NEK8: variants seen among roughly 807,000 people sequenced by gnomAD.
NEK8 encodes the protein serine/threonine-protein kinase Nek8.
NEK8 carries 51 observed loss-of-function variants against 77.2 expected under a neutral mutation model. The observed-to-expected ratio is 0.66, with a 90% confidence interval of 0.53 to 0.83. NEK8 has a LOEUF of 0.83. Among genes scored for constraint, NEK8 ranks in the 40% least tolerant of loss-of-function variants. The pLI is 0.00. For missense variants in NEK8, 787 were observed against 909.2 expected, an observed-to-expected ratio of 0.87 and a Z score of 1.73; for synonymous variants, 365 against 363.2, an observed-to-expected ratio of 1.00 and a Z score of -0.06.
At chr17:28,739,336 C>G in intron 10 of NEK8, 135 bp downstream of exon 10, 1 of 770,200 alleles carries the variant, frequency 1.3e-6, no homozygotes, top group Non-Finnish European at 2.4e-6. Context: ...ATTCAACAAA[C>G]CTTTATTTTA....
At chr17:28,730,732 A>C (rs567163603) in intron 1 of NEK8, among the ~76,000 whole-genome samples, 1 of 152,000 alleles carries the variant, frequency 6.6e-6, no homozygotes, top group South Asian at 2.1e-4. Context: ...CCTGGGCAAC[A>C]CAATGAGTCC....
Position 28,740,525 on chromosome 17 carries a change from G to A in NEK8, c.1480G>A (p.Gly494Arg), listed in dbSNP as rs747957351. The change falls in exon 11 of 15, where the codon GGA (glycine) becomes AGA (arginine). Residue 494 changes from glycine to arginine, a missense_variant. Physicochemically the swap from Gly to Arg is moderately radical, Grantham distance 125. Coordinates refer to ENST00000268766, the MANE Select transcript of NEK8 (RefSeq NM_178170.3). The surrounding 1 kb of genome is among the most constrained non-coding windows in gnomAD (Gnocchi z 4.7). Reference protein sequence around the residue: ...SCPQQVPMPPGQEAQRVVCGI... With the variant: ...SCPQQVPMPPRQEAQRVVCGI... ...CCCCCAGCAGGTGCCCATGCCCCCA[G>A]GACAGGAAGCTCAGCGAGTTGTATG... 10 of 1,614,036 alleles carry A rather than the reference G, an allele frequency of 6.2e-6. No individual in the cohort carries two copies. The Admixed American group carries it at 1.3e-4, about 22-fold the overall frequency.
At position 28,741,698 on chromosome 17, in the gene NEK8, G is replaced by A. The variant is rs970314845; in HGVS notation, c.2050+127G>A. On this transcript the variant is annotated intron_variant, in intron 14 of 14. Transcript: ENST00000268766. This position sits in a 1 kb window ranked among gnomAD's most constrained non-coding sequence, Gnocchi z 4.5. ...TAGCCCCCAGATAAAAAAAGCAGAA[G>A]CTGCGGTTGAAAAGCTTCAAGCTTC... 7.9e-7 allele frequency: 1 copy of A among 1,269,564 alleles called. No homozygotes were observed. The highest frequency in any genetic ancestry group is 1.1e-6 in the Non-Finnish European group (1 of 876,906). 78.6% of individuals were successfully genotyped at this position (1,269,564 alleles called of 1,614,324 possible).
In NEK8 at chr17:28,741,276, C is replaced by T. The variant is rs1567762253; in HGVS notation, c.1891+40C>T. On this transcript the variant is annotated intron_variant, in intron 13 of 14. Transcript: ENST00000268766. The surrounding 1 kb of genome is among the most constrained non-coding windows in gnomAD (Gnocchi z 4.5). The stretch of plus-strand genomic sequence containing the variant: ...TGGTGGGGGCAGACAGTGCCATGAG[C>T]AGTGGGGGGTGGGGGTTGCTATTCA... The T allele has an allele frequency of 1.3e-6, 2 of 1,591,678 alleles. No individual in the cohort carries two copies. The highest frequency in any genetic ancestry group is 1.7e-6 in the Non-Finnish European group (2 of 1,167,336).
chr17:28,735,877 T>G (rs1210255674), intron 4 of NEK8, among the ~76,000 whole-genome samples: 3 of 151,966 alleles, frequency 2.0e-5, no homozygotes, highest in Non-Finnish European at 4.4e-5. Flanking sequence ...CTGCACCCAT[T>G]AACTCATCAT....
Position 28,740,997 on chromosome 17 carries a change from T to C in NEK8, c.1732+12T>C. 1 of 1,614,116 alleles carries C rather than the reference T, an allele frequency of 6.2e-7. No homozygotes were observed. The highest frequency in any genetic ancestry group is 8.5e-7 in the Non-Finnish European group (1 of 1,180,000). ...AGCTGCTGTGACTGGTGAGGAGGAC[T>C]TGGGCTCTGGAGGTCAGAGGGGGAC... On this transcript the variant is annotated intron_variant, in intron 12 of 14. Transcript: ENST00000268766. This position sits in a 1 kb window ranked among gnomAD's most constrained non-coding sequence, Gnocchi z 4.7.
chr17:28,728,966 G>A, intron 1 of NEK8, 106 bp downstream of exon 1: 1 of 1,075,874 alleles, frequency 9.3e-7, no homozygotes, highest in Non-Finnish European at 1.4e-6. Context: ...AGGCGTGAGC[G>A]CCACTCTGGG....
intron 1 of NEK8, among the ~76,000 whole-genome samples, chr17:28,733,527 A>G (rs9904031): frequency 0.1 from 15,411 of 152,216 alleles, 829 homozygotes; most frequent in South Asian, 0.15. Context: ...TATGGAGACT[A>G]ACCACAGAAT....
rs760025754 is a variant in NEK8 at position 28,739,472 on chromosome 17, TG to T, written c.1417+273del. 2.0e-5 allele frequency among the ~76,000 whole-genome samples: 3 copies of T among 152,280 alleles called. No individual in the cohort carries two copies. In the East Asian group the frequency reaches 5.8e-4, roughly 29 times the overall value. On this transcript the variant is annotated intron_variant, in intron 10 of 14. Transcript: ENST00000268766. ...CCTAGTTTTTTATTTTATTTTGAGA[TG>T]GAGTCTCGCTCTGTTACCCAGGCTA... is the stretch of plus-strand genomic sequence containing the variant.
At position 28,740,782 on chromosome 17, in the gene NEK8, C is replaced by G. The variant is rs750018361; in HGVS notation, c.1569-40C>G. 2.5e-6 allele frequency: 4 copies of G among 1,611,854 alleles called. No homozygotes were observed. The highest frequency in any genetic ancestry group is 3.3e-5 in the Admixed American group (2 of 60,018). ...CCTGGTGCACCAGCTCCTGCCCAAA[C>G]TGTCTGTCAGTTGGATTTGGCTTCT... On this transcript the variant is annotated intron_variant, in intron 11 of 14. Coordinates refer to ENST00000268766, the MANE Select transcript of NEK8 (RefSeq NM_178170.3). The surrounding 1 kb of genome is among the most constrained non-coding windows in gnomAD (Gnocchi z 4.7).
In NEK8 at chr17:28,741,865, A is replaced by G. The variant is rs1652731884; in HGVS notation, c.2051-94A>G. The G allele has an allele frequency of 7.4e-7, 1 of 1,360,086 alleles. No homozygotes were observed. The highest frequency in any genetic ancestry group is 1.1e-6 in the Non-Finnish European group (1 of 948,230). 84.3% of individuals were successfully genotyped at this position (1,360,086 alleles called of 1,614,324 possible). ...CTCTCTTTCTGGCCTAACAGGGTCC[A>G]GAATCCAGGGCCCAGTGGGAGTGGG... On this transcript the variant is annotated intron_variant, in intron 14 of 14. Transcript: ENST00000268766. This position sits in a 1 kb window ranked among gnomAD's most constrained non-coding sequence, Gnocchi z 4.5.
chr17:28,741,105 G>C lies in NEK8; in HGVS notation c.1760G>C (p.Ser587Thr). The change falls in exon 13 of 15, where the codon AGC (serine) becomes ACC (threonine). Residue 587 changes from serine (S) to threonine (T), a missense_variant. Physicochemically the swap from Ser to Thr is moderately conservative, Grantham distance 58. Coordinates refer to ENST00000268766, the MANE Select transcript of NEK8 (RefSeq NM_178170.3). This position sits in a 1 kb window ranked among gnomAD's most constrained non-coding sequence, Gnocchi z 4.5. ...TASGDCYTFG[S>T]NQHGQLGTNT... ...TCGGGTGATTGCTACACTTTTGGCA[G>C]CAATCAGCACGGACAGTTGGGCACC... 6.2e-7 allele frequency: 1 copy of C among 1,614,216 alleles called. No homozygotes were observed. Among genetic ancestry groups the C allele is most frequent in the Non-Finnish European group, 8.5e-7 (1 of 1,180,038 alleles).
chr17:28,737,824 C>G lies in NEK8; in HGVS notation c.895C>G (p.Pro299Ala), dbSNP rs368364890. 2 of 1,614,016 alleles carry G rather than the reference C, an allele frequency of 1.2e-6. No individual in the cohort carries two copies. The highest frequency in any genetic ancestry group is 1.7e-6 in the Non-Finnish European group (2 of 1,180,020). The change falls in exon 7 of 15, where the codon CCC (proline) becomes GCC (alanine). Residue 299 changes from proline (P) to alanine (A), a missense_variant. Physicochemically the swap from Pro to Ala is conservative, Grantham distance 27 (BLOSUM62 -1). This residue lies in a region of NEK8 where 516 missense variants were observed against 544.0 expected (regional missense o/e 0.95). Transcript: ENST00000268766. This position sits in a 1 kb window ranked among gnomAD's most constrained non-coding sequence, Gnocchi z 4.8. ...CCCATGCACTGTACCTGCAGGTATC[C>G]CCCGGGGACCTGTGAGGCCAGCCAT... The part of the protein sequence containing the change: ...RTTSVRCRGI[P>A]RGPVRPAIPP...
Position 28,743,070 on chromosome 17 carries a change from CTCAAAAAAAA to C in NEK8, c.*1084_*1093del, listed in dbSNP as rs2034444657. 1 of 94,422 alleles carries C rather than the reference CTCAAAAAAAA, an allele frequency of 1.1e-5. No individual in the cohort carries two copies. Among genetic ancestry groups the C allele is most frequent in the Non-Finnish European group, 2.0e-5 (1 of 51,126 alleles). 5.8% of individuals were successfully genotyped at this position (94,422 alleles called of 1,614,324 possible). A position where few individuals can be genotyped will look rare whatever the true frequency, so the allele number is the denominator to read the frequency against. ...CCTGGATGACAGAGCAAGTCTCCCT[CTCAAAAAAAA>C]AAAAAAAAAAAAAAAAAAAAAAGTA... On this transcript the variant is annotated 3_prime_UTR_variant, in exon 15 of 15. Transcript: ENST00000268766.
intron 1 of NEK8, 83 bp downstream of exon 1, chr17:28,728,943 T>A (rs1311092002): frequency 2.1e-5 from 27 of 1,275,558 alleles, no homozygotes; most frequent in Non-Finnish European, 3.0e-5. Flanking sequence ...GCCGCCCGCC[T>A]AATCCCGCCC....
rs112540583 is a variant in NEK8 at position 28,734,886 on chromosome 17, T to A, written c.368T>A (p.Leu123His). The change falls in exon 3 of 15, where the codon CTC becomes CAC. Residue 123 changes from leucine (L) to histidine (H), a missense_variant. Leu to His is a moderately conservative substitution (Grantham distance 99). Around this residue, in one of 2 missense-constraint regions of NEK8, gnomAD observed 271 missense variants for 365.1 expected, o/e 0.74. Transcript: ENST00000268766. ...GCACTGCATCATGTGCACACCCACC[T>A]CATCCTGCACCGAGACCTCAAGACC... ...LLALHHVHTH[L>H]ILHRDLKTQN... The A allele has an allele frequency of 2.5e-6, 4 of 1,613,660 alleles. No individual in the cohort carries two copies. Among genetic ancestry groups the A allele is most frequent in the Non-Finnish European group, 1.7e-6 (2 of 1,179,900 alleles).
intron 1 of NEK8, among the ~76,000 whole-genome samples, chr17:28,732,055 C>T (rs939685960): frequency 1.3e-5 from 2 of 150,414 alleles, no homozygotes; most frequent in Admixed American, 6.6e-5. Flanking sequence ...CTCAGTCTCC[C>T]GAGTAGCTGG....
chr17:28,739,606 G>A (rs1339178562), intron 10 of NEK8, among the ~76,000 whole-genome samples: 6 of 152,114 alleles, frequency 3.9e-5, no homozygotes, highest in African/African-American at 1.4e-4. Context: ...CCGCCACCGC[G>A]CCCAGCAAAT....
rs2034436778 is a variant in NEK8, at chr17:28,742,630, AG to A, written c.*644del. 6.4e-6 allele frequency: 1 copy of A among 157,290 alleles called. No individual in the cohort carries two copies. The highest frequency in any genetic ancestry group is 6.1e-5 in the Admixed American group (1 of 16,474). The allele number at this position is 157,290 out of a possible 1,614,324, so 9.7% of individuals were successfully genotyped here. On this transcript the variant is annotated 3_prime_UTR_variant, in exon 15 of 15. Transcript: ENST00000268766. ...CCCTACCCTTTCCCCTAGCCCAGTT[AG>A]AAAATAAGTCTGGGCCGGCGGCGGT...
Sources: allele counts gnomAD v4.1 joint callset (sites outside exome capture counted in the v4.1 genomes callset), GRCh38; gene constraint gnomAD v4.1.1; regional missense constraint gnomAD v4.1.1; non-coding constraint Gnocchi (gnomAD v3.1); transcripts MANE v1.5; gene names NCBI Gene and HGNC (gene_info 2026-07-23, HGNC 2026-07-21).